Variants in RAF1 observed in about 807,000 individuals in gnomAD.
The protein encoded by RAF1 is Raf-1 proto-oncogene, serine/threonine kinase, also known as RAF proto-oncogene serine/threonine-protein kinase.
RAF1 carries 27 observed loss-of-function variants against 81.1 expected under a neutral mutation model. That is an observed-to-expected ratio of 0.33 (90% CI 0.25 to 0.46). RAF1 has a LOEUF of 0.46. Among genes scored for constraint, RAF1 ranks in the 20% least tolerant of loss-of-function variants. The pLI is 1.00. For synonymous variants in RAF1, 298 were observed against 294.0 expected (o/e 1.01, Z -0.14); for missense variants, 598 against 826.0 (o/e 0.72, Z 3.38).
At chr3:12,584,811 A>ATGCTT (rs762123677) in intron 17 of RAF1, 36 bp downstream of exon 16, 1 of 1,613,924 alleles carries the variant, frequency 6.2e-7, no homozygotes, top group East Asian at 2.2e-5. Flanking sequence ...GAACCAACCC[A>ATGCTT]TGCTTTAATC....
rs375338922 is a variant in RAF1 at position 12,609,217 on chromosome 3, G to A, written c.423+16C>T. On this transcript the variant is annotated intron_variant, in intron 4 of 17. Transcript: ENST00000442415. The stretch of plus-strand genomic sequence containing the variant: ...AGCCCTCAACATGCCAGAAAGAGAA[G>A]AGATCTGCAACTTACAAAGTTGTGT... 2 of 1,574,524 alleles carry A rather than the reference G, an allele frequency of 1.3e-6. No homozygotes were observed. Among genetic ancestry groups the A allele is most frequent in the Non-Finnish European group, 1.7e-6 (2 of 1,144,098 alleles).
At chr3:12,605,783 T>C (rs1408820386) in intron 6 of RAF1, among the ~76,000 whole-genome samples, 1 of 152,236 alleles carries the variant, frequency 6.6e-6, no homozygotes, top group Non-Finnish European at 1.5e-5. Context: ...CACTAGTCTA[T>C]TTAAATACAT....
chr3:12,613,454 G>C (rs2059280748), intron 2 of RAF1, among the ~76,000 whole-genome samples: 1 of 150,000 alleles, frequency 6.7e-6, no homozygotes, highest in Non-Finnish European at 1.5e-5. Flanking sequence ...AAGGTGGTGA[G>C]TGTATGCATA....
At chr3:12,587,516 G>A in intron 14 of RAF1, 75 bp downstream of exon 13, 2 of 1,358,520 alleles carry the variant, frequency 1.5e-6, no homozygotes, top group Non-Finnish European at 2.1e-6. Context: ...AGAGCCACTT[G>A]TGATAGAAAG....
chr3:12,661,739 T>C (rs1163511008), intron 1 of RAF1, among the ~76,000 whole-genome samples: 7 of 151,934 alleles, frequency 4.6e-5, no homozygotes, highest in African/African-American at 1.5e-4. Context: ...AAAATAAAAA[T>C]TAGTAGGAGA....
chr3:12,655,006 C>CCA (rs926513646), intron 1 of RAF1, among the ~76,000 whole-genome samples: 15 of 142,002 alleles, frequency 1.1e-4, no homozygotes, highest in Non-Finnish European at 2.0e-4. Context: ...TGAGACCCCC[C>CCA]CCCCGCCATC....
At chr3:12,587,108 G>A (rs1281751553) in intron 14 of RAF1, 2 of 162,926 alleles carry the variant, frequency 1.2e-5, no homozygotes, top group African/African-American at 4.8e-5. Context: ...TGGGATTATA[G>A]GTGTGAGCCA....
chr3:12,604,212 T>G lies in RAF1; in HGVS notation c.758A>C (p.Gln253Pro). 1.9e-6 allele frequency: 3 copies of G among 1,614,064 alleles called. No homozygotes were observed. Among genetic ancestry groups the G allele is most frequent in the Non-Finnish European group, 2.5e-6 (3 of 1,179,968 alleles). ...AGGTGTGGATGTCGACCTCTGCCTC[T>G]GGGAGAGGGAACCTTCAGATGAGGG... Residue 253 changes from glutamine to proline, a missense_variant, in exon 7 of 18, where the codon CAG becomes CCG. Gln to Pro is a moderately conservative substitution (Grantham distance 76). Around this residue, in one of 5 missense-constraint regions of RAF1, gnomAD observed 194 missense variants for 202.7 expected, o/e 0.96. Coordinates refer to ENST00000442415, the MANE Select transcript of RAF1 (RefSeq NM_001354689.3).
intron 1 of RAF1, among the ~76,000 whole-genome samples, chr3:12,651,624 AG>A (rs1334902847): frequency 2.0e-5 from 3 of 151,270 alleles, no homozygotes; most frequent in African/African-American, 7.3e-5. Flanking sequence ...ACTGCACCCT[AG>A]CCTGGGCAAT....
intron 1 of RAF1, among the ~76,000 whole-genome samples, chr3:12,640,829 G>A (rs1161849973): frequency 6.6e-6 from 1 of 152,080 alleles, no homozygotes; most frequent in African/African-American, 2.4e-5. Context: ...TCTAGAACTA[G>A]AAATACCATT....
chr3:12,627,295 A>G (rs565814845), intron 1 of RAF1, among the ~76,000 whole-genome samples: 1 of 152,322 alleles, frequency 6.6e-6, no homozygotes, highest in South Asian at 2.1e-4. Context: ...AATTAGGTTT[A>G]CCTGGTTCCA....
At chr3:12,661,066 C>T (rs2125593375) in intron 1 of RAF1, among the ~76,000 whole-genome samples, 1 of 152,230 alleles carries the variant, frequency 6.6e-6, no homozygotes, top group South Asian at 2.1e-4. Flanking sequence ...ACAGCTTAGC[C>T]CTTGAGTGAT....
chr3:12,598,725 CAAAAAAAA>C (rs59472802), intron 11 of RAF1, among the ~76,000 whole-genome samples: 13,881 of 61,900 alleles, frequency 0.22, 1,126 homozygotes, highest in African/African-American at 0.33. Context: ...GAATCTATCT[CAAAAAAAA>C]AAAAAAAAAA....
chr3:12,663,237 CCAAT>C (rs1172812978), intron 1 of RAF1, among the ~76,000 whole-genome samples: 1 of 152,184 alleles, frequency 6.6e-6, no homozygotes, highest in East Asian at 1.9e-4. Flanking sequence ...CGTCCTGAGG[CCAAT>C]CCTCTATAAG....
chr3:12,585,843 T>C, intron 14 of RAF1, 44 bp from the exon 14 acceptor site: 1 of 1,421,828 alleles, frequency 7.0e-7, no homozygotes, highest in Non-Finnish European at 9.9e-7. Context: ...AATGGTCAGG[T>C]TAATTTTGAA....
At chr3:12,621,152 C>T (rs978533265) in intron 1 of RAF1, among the ~76,000 whole-genome samples, 1 of 152,170 alleles carries the variant, frequency 6.6e-6, no homozygotes, top group Admixed American at 6.5e-5. Context: ...CATTATCCAC[C>T]TTAATACTTA....
chr3:12,656,646 T>C (rs1269964595), intron 1 of RAF1, among the ~76,000 whole-genome samples: 2 of 152,164 alleles, frequency 1.3e-5, no homozygotes, highest in African/African-American at 4.8e-5. Flanking sequence ...ACTGGAAATA[T>C]ATAGGCAAGA....
intron 10 of RAF1, 59 bp from the exon 10 acceptor site, chr3:12,599,867 G>T: frequency 7.4e-7 from 1 of 1,355,044 alleles, no homozygotes; most frequent in Non-Finnish European, 1.1e-6. Flanking sequence ...TTTTGATAAT[G>T]AGGGCATCAA....
intron 1 of RAF1, among the ~76,000 whole-genome samples, chr3:12,662,095 G>A (rs949362677): frequency 4.0e-5 from 6 of 151,692 alleles, no homozygotes; most frequent in Non-Finnish European, 5.9e-5. Context: ...TTGGGAGGGA[G>A]AGGTGGAAGC....
Sources: gnomAD v4.1 joint callset for allele counts (sites outside exome capture counted in the v4.1 genomes callset) on GRCh38, gnomAD v4.1.1 for gene constraint, gnomAD v4.1.1 regional missense constraint, MANE v1.5 for transcripts, NCBI Gene and HGNC (gene_info 2026-07-23, HGNC 2026-07-21) for gene names.